Variants in SUMF1 observed in about 807,000 individuals in gnomAD.
SUMF1 encodes formylglycine-generating enzyme.
Under a neutral mutation model 47.6 loss-of-function variants are expected in SUMF1, and 48 were observed. The ratio of observed to expected loss-of-function variants is 1.01; its 90% CI spans 0.80 to 1.28. The LOEUF is 1.28. Ranked by LOEUF, SUMF1 falls within the 50% of genes most tolerant of loss-of-function variation. The probability of loss-of-function intolerance (pLI) is 0.00; values close to 1 mark genes in which losing one functional copy is unlikely to be tolerated. For missense variants in SUMF1, 571 were observed against 485.4 expected (o/e 1.18, Z -1.66); for synonymous variants, 230 against 192.1 (o/e 1.20, Z -1.63).
intron 8 of SUMF1, among the ~76,000 whole-genome samples, chr3:4,210,261 T>C (rs899973031): frequency 1.3e-5 from 2 of 152,006 alleles, no homozygotes; most frequent in Non-Finnish European, 2.9e-5. Flanking sequence ...GCAATCCAAA[T>C]AAAAATTCCA....
At chr3:4,121,323 G>A (rs1693535543) in intron 8 of SUMF1, among the ~76,000 whole-genome samples, 1 of 152,144 alleles carries the variant, frequency 6.6e-6, no homozygotes, top group Non-Finnish European at 1.5e-5. Flanking sequence ...AATTATAGAA[G>A]ATGGGAGCTA....
chr3:4,062,870 G>T (rs189654974), intron 9 of SUMF1, among the ~76,000 whole-genome samples: 41 of 152,168 alleles, frequency 2.7e-4, no homozygotes, highest in African/African-American at 9.4e-4. Flanking sequence ...TAGATAACAG[G>T]GAAGTCTAAT....
chr3:4,274,951 A>T (rs1697381898), intron 8 of SUMF1, among the ~76,000 whole-genome samples: 1 of 152,138 alleles, frequency 6.6e-6, no homozygotes, highest in Non-Finnish European at 1.5e-5. Flanking sequence ...AAAAGTCCAA[A>T]TGTCAAACAG....
At chr3:4,316,618 CATCTT>C (rs1372115226) in intron 8 of SUMF1, 3 of 1,551,108 alleles carry the variant, frequency 1.9e-6, no homozygotes, top group East Asian at 2.4e-5. Flanking sequence ...TTTGAAGTGT[CATCTT>C]CTCTTATTCT....
intron 8 of SUMF1, among the ~76,000 whole-genome samples, chr3:4,154,440 G>T (rs1416024127): frequency 6.6e-6 from 1 of 151,388 alleles, no homozygotes; most frequent in African/African-American, 2.5e-5. Flanking sequence ...CACTTATTGG[G>T]CACCAACTAT....
At chr3:4,050,801 G>T (rs977291097) in intron 9 of SUMF1, among the ~76,000 whole-genome samples, 3 of 143,850 alleles carry the variant, frequency 2.1e-5, no homozygotes, top group African/African-American at 7.6e-5. Context: ...AAAAGAAAAA[G>T]AAAAATGTAA....
At position 4,216,808 on chromosome 3, in the gene SUMF1, A is replaced by T. The variant is rs1048014618; in HGVS notation, c.1015-148063T>A. On this transcript the variant is annotated intron_variant and NMD_transcript_variant, in intron 8 of 12. Coordinates refer to the SUMF1 transcript ENST00000448413. Reference sequence around the variant, plus strand: ...TCAGAGAAACGCAAATCAAAACCACAATGAGCTATCATCTCATGCCAGTTA... The same window carrying T: ...TCAGAGAAACGCAAATCAAAACCACTATGAGCTATCATCTCATGCCAGTTA... Among the ~76,000 whole-genome samples, 31 of 152,214 alleles carry T rather than the reference A, an allele frequency of 2.0e-4. 1 individual carries two copies. Among genetic ancestry groups the T allele is most frequent in the Non-Finnish European group, 7.3e-5 (5 of 68,036 alleles).
intron 8 of SUMF1, among the ~76,000 whole-genome samples, chr3:4,339,217 C>T (rs539776022): frequency 1.1e-4 from 16 of 152,284 alleles, no homozygotes; most frequent in East Asian, 1.9e-4. Flanking sequence ...CCAATCCTTC[C>T]GCCCCTCCCT....
chr3:4,254,873 G>C (rs1462016140), intron 8 of SUMF1, among the ~76,000 whole-genome samples: 1 of 152,030 alleles, frequency 6.6e-6, no homozygotes, highest in Non-Finnish European at 1.5e-5. Context: ...AGAAAGGTCG[G>C]GTTACCCTCA....
intron 8 of SUMF1, among the ~76,000 whole-genome samples, chr3:4,230,066 T>C (rs556497026): frequency 4.6e-5 from 7 of 151,872 alleles, no homozygotes; most frequent in East Asian, 1.9e-4. Context: ...GAATTTACGA[T>C]AGTTTTTTTT....
At chr3:4,439,525 CA>C (rs1052418283) in intron 3 of SUMF1, among the ~76,000 whole-genome samples, 41 of 142,492 alleles carry the variant, frequency 2.9e-4, no homozygotes, top group Non-Finnish European at 1.7e-4. Flanking sequence ...AACCCTGTCT[CA>C]AAAAAAAAAA....
chr3:4,446,249 T>G (rs2125115779), intron 3 of SUMF1, among the ~76,000 whole-genome samples: 1 of 152,298 alleles, frequency 6.6e-6, no homozygotes, highest in East Asian at 1.9e-4. Flanking sequence ...GGGAGGTAAC[T>G]GAATCATGGG....
At position 4,227,605 on chromosome 3, in the gene SUMF1, C is replaced by A. The variant is rs143749804; in HGVS notation, c.1014+148725G>T. On this transcript the variant is annotated intron_variant and NMD_transcript_variant, in intron 8 of 12. Coordinates refer to the SUMF1 transcript ENST00000448413. ...CACAGGGCTCCACACTCTCCCTAAT[C>A]CAGGCCTAGCCAGACCAGAAAAGAG... Among the ~76,000 whole-genome samples, 257 of 152,224 alleles carry A rather than the reference C, an allele frequency of 1.7e-3. 2 individuals carry two copies. Among genetic ancestry groups the A allele is most frequent in the African/African-American group, 6.0e-3 (251 of 41,548 alleles).
At chr3:4,134,669 T>C (rs539020133) in intron 8 of SUMF1, among the ~76,000 whole-genome samples, 9 of 151,968 alleles carry the variant, frequency 5.9e-5, no homozygotes, top group African/African-American at 1.7e-4. Flanking sequence ...TTCAAAAAAT[T>C]AACGAATCCA....
intron 8 of SUMF1, among the ~76,000 whole-genome samples, chr3:4,208,785 A>T (rs528891612): frequency 8.5e-5 from 13 of 152,292 alleles, no homozygotes; most frequent in African/African-American, 2.4e-4. Flanking sequence ...GAAAAGAAAA[A>T]AGACTAACAT....
intron 7 of SUMF1, among the ~76,000 whole-genome samples, chr3:4,401,903 C>A (rs112756983): frequency 2.0e-4 from 30 of 152,286 alleles, no homozygotes; most frequent in African/African-American, 7.0e-4. Context: ...AAGCCCCTTT[C>A]TTGAGCACAC....
At chr3:4,445,132 C>T (rs963118781) in intron 3 of SUMF1, among the ~76,000 whole-genome samples, 1 of 152,090 alleles carries the variant, frequency 6.6e-6, no homozygotes, top group Non-Finnish European at 1.5e-5. Flanking sequence ...TTTGATACAA[C>T]CCCAAAATAA....
intron 8 of SUMF1, among the ~76,000 whole-genome samples, chr3:4,156,176 G>A (rs1238326664): frequency 6.6e-6 from 1 of 151,448 alleles, no homozygotes; most frequent in Admixed American, 6.6e-5. Context: ...ACAGAAGAAA[G>A]GAGTCATAGG....
At chr3:4,382,816 T>C (rs778072611) in intron 7 of SUMF1, among the ~76,000 whole-genome samples, 4 of 151,718 alleles carry the variant, frequency 2.6e-5, no homozygotes, top group East Asian at 3.9e-4. Context: ...AAACTAACAA[T>C]AGAACAGAAA....
Sources: gnomAD v4.1 joint callset for allele counts (sites outside exome capture counted in the v4.1 genomes callset) on GRCh38, gnomAD v4.1.1 for gene constraint, MANE v1.5 for transcripts, NCBI Gene and HGNC (gene_info 2026-07-23, HGNC 2026-07-21) for gene names.